INPP5A: variants seen among roughly 807,000 people sequenced by gnomAD.
INPP5A encodes the protein inositol polyphosphate-5-phosphatase A, also known as 43 kDa inositol polyphosphate 5-phophatase.
In INPP5A, 14 loss-of-function variants were observed where a neutral mutation model predicts 65.2. That is an observed-to-expected ratio of 0.21 (90% confidence interval 0.14 to 0.34). INPP5A has a LOEUF of 0.34. Among genes scored for constraint, INPP5A ranks in the 10% least tolerant of loss-of-function variants. The pLI is 1.00. For synonymous variants in INPP5A, 207 were observed against 208.3 expected, an observed-to-expected ratio of 0.99 and a Z score of 0.05; for missense variants, 431 against 545.6, an observed-to-expected ratio of 0.79 and a Z score of 2.09.
intron 1 of INPP5A, among the ~76,000 whole-genome samples, chr10:132,581,693 A>G (rs2071486111): frequency 6.6e-6 from 1 of 152,084 alleles, no homozygotes; most frequent in Admixed American, 6.6e-5. Flanking sequence ...TCTTTTGCAA[A>G]GTGTCTGTTC....
At chr10:132,755,611 AGTGG>A (rs1393778184) in intron 11 of INPP5A, among the ~76,000 whole-genome samples, 5 of 139,748 alleles carry the variant, frequency 3.6e-5, no homozygotes, top group African/African-American at 8.1e-5. Context: ...CATATGAGTG[AGTGG>A]GTGTGTGTGT....
chr10:132,652,158 G>A (rs1471193740), intron 4 of INPP5A, among the ~76,000 whole-genome samples: 2 of 151,754 alleles, frequency 1.3e-5, no homozygotes, highest in East Asian at 2.0e-4. Context: ...ATGACCCAAC[G>A]TAATGTGTTT....
At chr10:132,670,854 T>C (rs894482028) in intron 4 of INPP5A, among the ~76,000 whole-genome samples, 7 of 150,610 alleles carry the variant, frequency 4.6e-5, no homozygotes, top group African/African-American at 1.7e-4. Flanking sequence ...TTTTTTTTTT[T>C]TTTTTTTTTT....
chr10:132,632,892 T>G (rs972411984), intron 2 of INPP5A, among the ~76,000 whole-genome samples: 14 of 152,310 alleles, frequency 9.2e-5, no homozygotes, highest in African/African-American at 3.4e-4. Flanking sequence ...CTACCCCAGG[T>G]TCAGTGATGC....
In INPP5A at chr10:132,756,722, A is replaced by G. The variant is rs904673698; in HGVS notation, c.903+6877A>G. 2.6e-5 allele frequency among the ~76,000 whole-genome samples: 4 copies of G among 152,290 alleles called. No homozygotes were observed. In the East Asian group the frequency reaches 7.7e-4, roughly 29 times the overall value. On this transcript the variant is annotated intron_variant, in intron 11 of 15. Transcript: ENST00000368594. ...ACCATTACTGTAATGCACTCCTTCT[A>G]CTTAATAAAAAAAGGTACCTGTAAA...
intron 1 of INPP5A, among the ~76,000 whole-genome samples, chr10:132,583,362 G>A (rs2071509159): frequency 6.6e-6 from 1 of 152,156 alleles, no homozygotes; most frequent in African/African-American, 2.4e-5. Flanking sequence ...AGCCATGTGA[G>A]CACCTTTTTC....
At chr10:132,653,742 T>C (rs2072611743) in intron 4 of INPP5A, among the ~76,000 whole-genome samples, 1 of 152,266 alleles carries the variant, frequency 6.6e-6, no homozygotes, top group Non-Finnish European at 1.5e-5. Flanking sequence ...TTTTAAATTA[T>C]GTGAAAAGCT....
intron 4 of INPP5A, among the ~76,000 whole-genome samples, chr10:132,671,742 C>G (rs2072895347): frequency 6.6e-6 from 1 of 152,226 alleles, no homozygotes; most frequent in Non-Finnish European, 1.5e-5. Flanking sequence ...GGGATCAGAG[C>G]AGCCCTATGA....
At chr10:132,632,372 A>G (rs1335106149) in intron 2 of INPP5A, among the ~76,000 whole-genome samples, 3 of 152,202 alleles carry the variant, frequency 2.0e-5, no homozygotes, top group Non-Finnish European at 4.4e-5. Flanking sequence ...GGCACGGGCC[A>G]ACGCCTGTGG....
chr10:132,722,526 C>T (rs1039344933), intron 8 of INPP5A, among the ~76,000 whole-genome samples: 5 of 152,242 alleles, frequency 3.3e-5, no homozygotes, highest in African/African-American at 9.6e-5. Flanking sequence ...AGCAGCCTCG[C>T]GCCCGGTTCC....
At chr10:132,615,749 G>A (rs2072023123) in intron 2 of INPP5A, among the ~76,000 whole-genome samples, 1 of 152,220 alleles carries the variant, frequency 6.6e-6, no homozygotes, top group Non-Finnish European at 1.5e-5. Flanking sequence ...AGACCCAGGA[G>A]AAGGGGCGGG....
chr10:132,547,480 A>G lies in INPP5A; in HGVS notation c.75+9309A>G, dbSNP rs574321025. On this transcript the variant is annotated intron_variant, in intron 1 of 15. Coordinates refer to ENST00000368594, the MANE Select transcript of INPP5A (RefSeq NM_005539.5). This position sits in a 1 kb window ranked among gnomAD's most constrained non-coding sequence, Gnocchi z 5.5. ...TGTGAGGTTCTGTGAGCCCGGGCCC[A>G]GCTGCCGTGGTGAATATAACCGGGA... Among the ~76,000 whole-genome samples, 13 of 152,192 alleles carry G rather than the reference A, an allele frequency of 8.5e-5. No individual in the cohort carries two copies. The highest frequency in any genetic ancestry group is 3.1e-4 in the African/African-American group (13 of 41,522).
chr10:132,649,695 G>A (rs1001006147), intron 3 of INPP5A, among the ~76,000 whole-genome samples: 4 of 152,122 alleles, frequency 2.6e-5, no homozygotes, highest in African/African-American at 7.2e-5. Context: ...ATAAGCATGC[G>A]TGGGTAGGGG....
chr10:132,582,753 C>T (rs2071500978), intron 1 of INPP5A, among the ~76,000 whole-genome samples: 1 of 152,120 alleles, frequency 6.6e-6, no homozygotes. Flanking sequence ...GTTGAAAATC[C>T]AGGTATAAGT....
chr10:132,550,168 T>C lies in INPP5A; in HGVS notation c.75+11997T>C, dbSNP rs1590821685. Among the ~76,000 whole-genome samples, 2 of 152,180 alleles carry C rather than the reference T, an allele frequency of 1.3e-5. No individual in the cohort carries two copies. The highest frequency in any genetic ancestry group is 2.9e-5 in the Non-Finnish European group (2 of 68,034). ...CAGGCAGTAGAAGATGGGGTCAGTCTTGAGTTATTAGTATTTATCGGGGAG... is the reference window on the plus strand; with the variant it reads ...CAGGCAGTAGAAGATGGGGTCAGTCCTGAGTTATTAGTATTTATCGGGGAG... On this transcript the variant is annotated intron_variant, in intron 1 of 15. Coordinates refer to ENST00000368594, the MANE Select transcript of INPP5A (RefSeq NM_005539.5). The surrounding 1 kb of genome is among the most constrained non-coding windows in gnomAD (Gnocchi z 4.2).
At chr10:132,767,105 G>A (rs1423767143) in intron 12 of INPP5A, among the ~76,000 whole-genome samples, 1 of 117,088 alleles carries the variant, frequency 8.5e-6, no homozygotes, top group Non-Finnish European at 1.8e-5. Flanking sequence ...TGGAGGATGC[G>A]GCCTCGGAGC....
At chr10:132,577,229 C>G (rs965660146) in intron 1 of INPP5A, among the ~76,000 whole-genome samples, 1 of 152,140 alleles carries the variant, frequency 6.6e-6, no homozygotes, top group Non-Finnish European at 1.5e-5. Context: ...TGCTCCCCCC[C>G]GGCACGCCGC....
At chr10:132,771,766 A>G (rs1387846687) in intron 12 of INPP5A, among the ~76,000 whole-genome samples, 56 of 103,786 alleles carry the variant, frequency 5.4e-4, no homozygotes, top group African/African-American at 1.3e-3. Context: ...CAGCCACCCC[A>G]TGAAGAGTGG....
chr10:132,724,695 T>C (rs1462636206), intron 8 of INPP5A, among the ~76,000 whole-genome samples: 1 of 148,250 alleles, frequency 6.7e-6, no homozygotes, highest in Non-Finnish European at 1.5e-5. Context: ...CACGCCATAT[T>C]CACCGCAGAT....
Sources: allele counts gnomAD v4.1 joint callset (sites outside exome capture counted in the v4.1 genomes callset), GRCh38; gene constraint gnomAD v4.1.1; non-coding constraint Gnocchi (gnomAD v3.1); transcripts MANE v1.5; gene names NCBI Gene and HGNC (gene_info 2026-07-23, HGNC 2026-07-21).